Variants in SHROOM3 observed in about 807,000 individuals in gnomAD.
SHROOM3 encodes the protein shroom family member 3.
A neutral mutation model predicts 138.6 loss-of-function variants in SHROOM3; 47 were observed. The ratio of observed to expected loss-of-function variants is 0.34; its 90% confidence interval spans 0.27 to 0.43. The LOEUF is 0.43. Ranked by LOEUF, SHROOM3 falls within the 20% of genes least tolerant of loss-of-function variation. The pLI, the probability that SHROOM3 is intolerant of heterozygous loss-of-function variation, is 1.00. For synonymous variants in SHROOM3, 1,062 were observed against 1,063.3 expected (o/e 1.00, Z 0.02); for missense variants, 2,491 against 2,596.5 (o/e 0.96, Z 0.88).
intron 1 of SHROOM3, among the ~76,000 whole-genome samples, chr4:76,455,256 G>A (rs1229152498): frequency 6.6e-6 from 1 of 151,940 alleles, no homozygotes; most frequent in East Asian, 1.9e-4. Flanking sequence ...TAGCCATTGA[G>A]TCTGATAATA....
Position 76,770,844 on chromosome 4 carries a change from C to T in SHROOM3, c.5568C>T (p.Ala1856=). ...NLLLSLSGRL[A]RVENVLSGLG... Reference sequence around the variant, plus strand: ...TGCTCTCCCTCTCGGGGCGTCTAGCCCGTGTTGAGAATGTCCTTAGCGGCC... The same window carrying T: ...TGCTCTCCCTCTCGGGGCGTCTAGCTCGTGTTGAGAATGTCCTTAGCGGCC... Residue 1856 remains alanine (A), a synonymous_variant, in exon 10 of 11, where the codon GCC becomes GCT. Coordinates refer to ENST00000296043, the MANE Select transcript of SHROOM3 (RefSeq NM_020859.4). 6.2e-7 allele frequency: 1 copy of T among 1,614,172 alleles called. No homozygotes were observed. The highest frequency in any genetic ancestry group is 8.5e-7 in the Non-Finnish European group (1 of 1,180,030).
chr4:76,478,498 C>T (rs62300863), intron 1 of SHROOM3, among the ~76,000 whole-genome samples: 27,653 of 152,288 alleles, frequency 0.18, 3,116 homozygotes, highest in Middle Eastern at 0.27. Context: ...ATAAATAAAA[C>T]TCCCATCTCC....
intron 5 of SHROOM3, among the ~76,000 whole-genome samples, chr4:76,744,531 G>A (rs1194496960): frequency 6.6e-6 from 1 of 152,136 alleles, no homozygotes; most frequent in African/African-American, 2.4e-5. Context: ...TAGTTATGAT[G>A]AGTAAAAAAT....
At chr4:76,561,005 C>T (rs1420859904) in intron 2 of SHROOM3, among the ~76,000 whole-genome samples, 3 of 152,188 alleles carry the variant, frequency 2.0e-5, no homozygotes, top group East Asian at 1.9e-4. Context: ...TAAATTATCT[C>T]TTTGACAAGT....
chr4:76,660,795 A>G (rs553882952), intron 2 of SHROOM3, among the ~76,000 whole-genome samples: 1 of 146,664 alleles, frequency 6.8e-6, no homozygotes, highest in South Asian at 2.2e-4. Flanking sequence ...ATTTTTTTTC[A>G]TTTGTGGGTG....
intron 2 of SHROOM3, among the ~76,000 whole-genome samples, chr4:76,707,085 G>A (rs1195407964): frequency 2.0e-5 from 3 of 152,146 alleles, no homozygotes; most frequent in African/African-American, 4.8e-5. Context: ...ACAATGTATC[G>A]TTGGTTATCT....
At chr4:76,579,329 G>A (rs1256402116) in intron 2 of SHROOM3, among the ~76,000 whole-genome samples, 2 of 152,080 alleles carry the variant, frequency 1.3e-5, no homozygotes, top group African/African-American at 4.8e-5. Context: ...TTAGCTGGGC[G>A]TGGTGGCAGG....
At chr4:76,777,587 TTC>T (rs1722608443) in intron 10 of SHROOM3, among the ~76,000 whole-genome samples, 1 of 152,200 alleles carries the variant, frequency 6.6e-6, no homozygotes, top group African/African-American at 2.4e-5. Flanking sequence ...TGCCCTTTCT[TTC>T]TTTCTCTTGT....
At chr4:76,466,964 C>T (rs1731261519) in intron 1 of SHROOM3, among the ~76,000 whole-genome samples, 1 of 151,806 alleles carries the variant, frequency 6.6e-6, no homozygotes, top group South Asian at 2.1e-4. Context: ...ACTAATATTT[C>T]TTGCATTTAT....
chr4:76,742,897 G>A (rs1312611456), intron 5 of SHROOM3, among the ~76,000 whole-genome samples: 1 of 152,168 alleles, frequency 6.6e-6, no homozygotes, highest in Non-Finnish European at 1.5e-5. Context: ...CATTCAGCAA[G>A]CATCTGTAGA....
At chr4:76,750,383 G>A (rs150892299) in intron 6 of SHROOM3, among the ~76,000 whole-genome samples, 124 of 152,226 alleles carry the variant, frequency 8.1e-4, no homozygotes, top group African/African-American at 2.9e-3. Context: ...GGAGCTGAAG[G>A]CCATTATCCT....
At chr4:76,504,439 G>A (rs771368010) in intron 1 of SHROOM3, among the ~76,000 whole-genome samples, 4 of 152,266 alleles carry the variant, frequency 2.6e-5, no homozygotes, top group Admixed American at 6.5e-5. Flanking sequence ...AATTACAGGC[G>A]TGCGCCAAAA....
chr4:76,522,185 C>T (rs112687485), intron 1 of SHROOM3, among the ~76,000 whole-genome samples: 1,552 of 145,722 alleles, frequency 0.011, 19 homozygotes, highest in African/African-American at 0.037. Flanking sequence ...ATTAGGACAA[C>T]GGAGAAGTTT....
At chr4:76,483,785 G>A (rs6532416) in intron 1 of SHROOM3, among the ~76,000 whole-genome samples, 148,425 of 152,318 alleles carry the variant, frequency 0.97, 72,393 homozygotes, top group African/African-American at 0.99. Context: ...AATATGGCAC[G>A]TATATACCAT....
At chr4:76,668,524 G>A (rs1422617682) in intron 2 of SHROOM3, among the ~76,000 whole-genome samples, 2 of 152,112 alleles carry the variant, frequency 1.3e-5, no homozygotes, top group African/African-American at 2.4e-5. Context: ...AGTGGGCTGA[G>A]ATTGTGCCAT....
At chr4:76,744,534 T>TA (rs1371506628) in intron 5 of SHROOM3, among the ~76,000 whole-genome samples, 3 of 152,188 alleles carry the variant, frequency 2.0e-5, no homozygotes, top group Admixed American at 6.5e-5. Flanking sequence ...TTATGATGAG[T>TA]AAAAAATAAA....
chr4:76,522,908 C>A (rs1732596233), intron 1 of SHROOM3, among the ~76,000 whole-genome samples: 1 of 152,168 alleles, frequency 6.6e-6, no homozygotes. Context: ...CTATTAATGT[C>A]TATATGAGCA....
At chr4:76,628,565 A>G (rs1257695804) in intron 2 of SHROOM3, among the ~76,000 whole-genome samples, 1 of 152,196 alleles carries the variant, frequency 6.6e-6, no homozygotes, top group East Asian at 1.9e-4. Flanking sequence ...ACTTCACTCA[A>G]CAAATACTTA....
intron 2 of SHROOM3, 143 bp from the exon 3 acceptor site, chr4:76,710,013 G>T: frequency 9.6e-7 from 1 of 1,042,394 alleles, no homozygotes; most frequent in Non-Finnish European, 1.5e-6. Context: ...TTAGGTGCAG[G>T]CTTAGAACCC....
Sources: allele counts gnomAD v4.1 joint callset (sites outside exome capture counted in the v4.1 genomes callset), GRCh38; gene constraint gnomAD v4.1.1; transcripts MANE v1.5; gene names NCBI Gene and HGNC (gene_info 2026-07-23, HGNC 2026-07-21).